HEATR9: variants seen among roughly 807,000 people sequenced by gnomAD.
HEATR9 encodes the protein HEAT repeat containing 9, also known as protein HEATR9.
In HEATR9, 54 loss-of-function variants were observed where a neutral mutation model predicts 68.2. The observed-to-expected ratio is 0.79, with a 90% CI of 0.64 to 0.99. The LOEUF (loss-of-function observed/expected upper bound fraction) is 0.99. Ranked by LOEUF, HEATR9 falls within the 50% of genes least tolerant of loss-of-function variation. HEATR9 has a pLI of 0.00. For missense variants in HEATR9, 662 were observed against 679.7 expected (o/e 0.97, Z 0.29); for synonymous variants, 241 against 253.5 (o/e 0.95, Z 0.47).
Position 35,864,276 on chromosome 17 carries a change from G to A in HEATR9, c.537C>T (p.Asp179=), listed in dbSNP as rs548112802. The A allele has an allele frequency of 4.0e-5, 64 of 1,613,184 alleles. 1 individual carries two copies. The South Asian group carries it at 5.8e-4, about 15-fold the overall frequency. Residue 179 remains aspartate, a synonymous_variant, in exon 6 of 15, where the codon GAC becomes GAT. Coordinates refer to ENST00000604834, the MANE Select transcript of HEATR9 (RefSeq NM_152781.4). ...AQALGCLRIS[D]KFVMEALQQV... is the part of the protein sequence containing the mutation. ...GCTGTAGTGCCTCCATGACAAACTT[G>A]TCACTGATGCGTAAGCATCCCAGAG...
At chr17:35,863,643 A>ATC in intron 6 of HEATR9, 84 bp from the exon 7 acceptor site, 1 of 1,440,528 alleles carries the variant, frequency 6.9e-7, no homozygotes, top group Non-Finnish European at 9.7e-7. Context: ...TTAACTTCTC[A>ATC]TTTTACAAAA....
At chr17:35,858,595 G>A (rs1042567034) in intron 9 of HEATR9, 70 bp from the exon 10 acceptor site, 13 of 1,394,348 alleles carry the variant, frequency 9.3e-6, no homozygotes. Flanking sequence ...TGGACTTGAG[G>A]TCTGAGCCTA....
In HEATR9 at chr17:35,866,670, T is replaced by C. The variant is rs897854947; in HGVS notation, c.138+54A>G. The C allele has an allele frequency of 3.3e-6, 5 of 1,521,156 alleles. No individual in the cohort carries two copies. The African/African-American group carries it at 6.9e-5, about 21-fold the overall frequency. 94.2% of individuals were successfully genotyped at this position (1,521,156 alleles called of 1,614,324 possible). ...GCTTTAATGGGAAGGGATAGTTTGC[T>C]GCCCCTCCTAACTTTGATACAGCTC... On this transcript the variant is annotated intron_variant, in intron 2 of 14. Transcript: ENST00000604834.
chr17:35,860,419 C>T (rs1421334981), intron 8 of HEATR9, among the ~76,000 whole-genome samples: 2 of 149,020 alleles, frequency 1.3e-5, no homozygotes, highest in Non-Finnish European at 3.0e-5. Flanking sequence ...AAGAACTTTG[C>T]TATTTTTCAC....
intron 3 of HEATR9, 151 bp downstream of exon 3, chr17:35,865,064 A>G (rs908141950): frequency 3.1e-6 from 4 of 1,280,352 alleles, no homozygotes; most frequent in African/African-American, 1.6e-5. Flanking sequence ...GCCGAGCCAG[A>G]TGGAGCTGAG....
chr17:35,861,424 T>C, intron 8 of HEATR9: 1 of 1,607,590 alleles, frequency 6.2e-7, no homozygotes, highest in South Asian at 1.1e-5. Flanking sequence ...CCACCTAACT[T>C]TGCGAGGATT....
chr17:35,857,576 G>A (rs926460765), intron 11 of HEATR9, among the ~76,000 whole-genome samples: 1 of 152,182 alleles, frequency 6.6e-6, no homozygotes, highest in East Asian at 1.9e-4. Context: ...TGGCTAACAC[G>A]ATGAAACCCC....
Position 35,866,748 on chromosome 17 carries a change from A to G in HEATR9, c.114T>C (p.Val38=). The G allele has an allele frequency of 1.9e-6, 3 of 1,614,122 alleles. No homozygotes were observed. The highest frequency in any genetic ancestry group is 2.5e-6 in the Non-Finnish European group (3 of 1,179,974). ...CCTGGTAGCAGGACAAGGGCAGATG[A>G]ACAGGAGCCATGGCTTTTCTGAGTT... ...TKELRKAMAP[V]HLPLSCYQMP... is the part of the protein sequence containing the mutation. The change falls in exon 2 of 15, where the codon GTT becomes GTC. Residue 38 remains valine (V), a synonymous_variant. Coordinates refer to ENST00000604834, the MANE Select transcript of HEATR9 (RefSeq NM_152781.4).
At chr17:35,865,161 A>G in intron 3 of HEATR9, 54 bp downstream of exon 3, 2 of 1,574,064 alleles carry the variant, frequency 1.3e-6, no homozygotes, top group Non-Finnish European at 8.7e-7. Flanking sequence ...GCCCTTCCTC[A>G]CTTTCCTAGA....
At chr17:35,860,818 G>A (rs2087962352) in intron 8 of HEATR9, among the ~76,000 whole-genome samples, 1 of 151,940 alleles carries the variant, frequency 6.6e-6, no homozygotes, top group Non-Finnish European at 1.5e-5. Flanking sequence ...GGTCGAGGTG[G>A]GTGAATCACA....
At chr17:35,861,507 C>T (rs1180765166) in intron 8 of HEATR9, 2 of 1,095,236 alleles carry the variant, frequency 1.8e-6, no homozygotes, top group Non-Finnish European at 2.8e-6. Context: ...TGCGGACAAA[C>T]ATCATGTCAT....
intron 11 of HEATR9, among the ~76,000 whole-genome samples, chr17:35,857,898 G>A (rs142745735): frequency 1.3e-5 from 2 of 152,294 alleles, no homozygotes; most frequent in African/African-American, 4.8e-5. Flanking sequence ...CGTTGGGATC[G>A]GTCTTGAAGG....
At chr17:35,864,224 C>T (rs1439541617) in intron 6 of HEATR9, 22 bp downstream of exon 6, 1 of 1,596,818 alleles carries the variant, frequency 6.3e-7, no homozygotes, top group African/African-American at 1.3e-5. Flanking sequence ...CTTTCCTGAA[C>T]TCCAGCAGTT....
chr17:35,856,493 T>C (rs980176743), intron 12 of HEATR9: 5 of 891,288 alleles, frequency 5.6e-6, no homozygotes, highest in Non-Finnish European at 7.0e-6. Context: ...TTGAGCTTTA[T>C]AGCAACCTAT....
rs866992203 is a variant in HEATR9, at chr17:35,858,773, T to A, written c.939+115A>T. ...CCATACTCATACATGGACATAGTCA[T>A]AAGCACACAGAGGATCCTGCAGTGC... On this transcript the variant is annotated intron_variant, in intron 9 of 14. Transcript: ENST00000604834. 4.2e-6 allele frequency: 5 copies of A among 1,183,628 alleles called. No homozygotes were observed. In the African/African-American group the frequency reaches 6.0e-5, roughly 14 times the overall value. 73.3% of individuals were successfully genotyped at this position (1,183,628 alleles called of 1,614,324 possible).
At position 35,858,278 on chromosome 17, in the gene HEATR9, C is replaced by T; in HGVS notation, c.1074G>A (p.Leu358=). Residue 358 remains leucine (L), a synonymous_variant, in exon 11 of 15, where the codon CTG becomes CTA. Coordinates refer to ENST00000604834, the MANE Select transcript of HEATR9 (RefSeq NM_152781.4). ...CTAGCCCCTGTGCCTGGATCTGTTC[C>T]AGCCCAATGGTCTTGAGCATTTGGG... ...EATQMLKTIG[L]EQIQAQGLEE... is the part of the protein sequence containing the mutation. 8 of 1,614,164 alleles carry T rather than the reference C, an allele frequency of 5.0e-6. No individual in the cohort carries two copies. The highest frequency in any genetic ancestry group is 5.9e-6 in the Non-Finnish European group (7 of 1,180,022).
rs1435628911 is a variant in HEATR9 at position 35,858,325 on chromosome 17, G to A, written c.1033-6C>T. On this transcript the variant is annotated splice_region_variant and splice_polypyrimidine_tract_variant and intron_variant, in intron 10 of 14. Coordinates refer to ENST00000604834, the MANE Select transcript of HEATR9 (RefSeq NM_152781.4). ...TGGGTGGCTTCAAAGCGGTCCTGAG[G>A]TCGGGGGTGAGGGTTAGTGGGGAGG... 2.5e-6 allele frequency: 4 copies of A among 1,614,072 alleles called. No homozygotes were observed. The highest frequency in any genetic ancestry group is 3.3e-5 in the Admixed American group (2 of 60,012).
Position 35,865,245 on chromosome 17 carries a change from T to A in HEATR9, c.290A>T (p.Lys97Met), listed in dbSNP as rs1376221810. Residue 97 changes from lysine (K) to methionine (M), a missense_variant, in exon 3 of 15, where the codon AAG becomes ATG. Lys to Met is a moderately conservative substitution (Grantham distance 95, BLOSUM62 -1). Transcript: ENST00000604834. ...GTCATCTCTCATTTTCCTCAACATC[T>A]TCTCAGCCTCCCTTTCCTCTCGCTG... is the stretch of plus-strand genomic sequence containing the variant. Reference protein sequence around the residue: ...YDQREEREAEKMLRKMRDDCR... With the variant: ...YDQREEREAEMMLRKMRDDCR... 4 of 1,614,094 alleles carry A rather than the reference T, an allele frequency of 2.5e-6. No individual in the cohort carries two copies. The South Asian group carries it at 3.3e-5, about 13-fold the overall frequency.
Position 35,861,007 on chromosome 17 carries a change from C to T in HEATR9, c.757-1937G>A, listed in dbSNP as rs1435666713. 1.3e-5 allele frequency: 8 copies of T among 628,652 alleles called. No homozygotes were observed. The African/African-American group carries it at 1.5e-4, about 11-fold the overall frequency. 38.9% of individuals were successfully genotyped at this position (628,652 alleles called of 1,614,324 possible). On this transcript the variant is annotated intron_variant, in intron 8 of 14. Transcript: ENST00000604834. ...GTTGCAGTGAGCCGAGATCATGCCA[C>T]TGCACTCCAGCTTGGGTGACAGAGC... is the stretch of plus-strand genomic sequence containing the variant.
Sources: allele counts gnomAD v4.1 joint callset (sites outside exome capture counted in the v4.1 genomes callset), GRCh38; gene constraint gnomAD v4.1.1; transcripts MANE v1.5; gene names NCBI Gene and HGNC (gene_info 2026-07-23, HGNC 2026-07-21).